WBP1L: variants seen among roughly 807,000 people sequenced by gnomAD.
The protein encoded by WBP1L is WW domain binding protein 1-like.
A neutral mutation model predicts 33.7 loss-of-function variants in WBP1L; 17 were observed. The ratio of observed to expected loss-of-function variants is 0.50; its 90% CI spans 0.34 to 0.76. The LOEUF is 0.76. Ranked by LOEUF, WBP1L falls within the 30% of genes least tolerant of loss-of-function variation. The pLI is 0.01. For missense variants in WBP1L, 389 were observed against 469.4 expected (o/e 0.83, Z 1.58); for synonymous variants, 173 against 190.8 (o/e 0.91, Z 0.77).
intron 1 of WBP1L, among the ~76,000 whole-genome samples, chr10:102,773,541 T>C (rs1843218443): frequency 6.6e-6 from 1 of 152,168 alleles, no homozygotes; most frequent in South Asian, 2.1e-4. Context: ...TTTTTGGATT[T>C]CTAGTAATTT....
intron 1 of WBP1L, among the ~76,000 whole-genome samples, chr10:102,750,133 C>G (rs111953016): frequency 2.6e-5 from 4 of 151,618 alleles, no homozygotes; most frequent in Admixed American, 1.3e-4. Context: ...TCAGGTCAGG[C>G]GCAGTGGTTC....
At chr10:102,792,547 G>A (rs1462924164) in intron 1 of WBP1L, among the ~76,000 whole-genome samples, 1 of 149,874 alleles carries the variant, frequency 6.7e-6, no homozygotes, top group Non-Finnish European at 1.5e-5. Flanking sequence ...CTCTGCCTGC[G>A]ATGTTCTTCC....
chr10:102,811,257 C>T (rs571272448), intron 3 of WBP1L, among the ~76,000 whole-genome samples: 2 of 152,096 alleles, frequency 1.3e-5, no homozygotes, highest in Admixed American at 1.3e-4. Flanking sequence ...GCCTGAATTC[C>T]TCCCATTTTG....
chr10:102,772,379 GTC>G (rs1843200914), intron 1 of WBP1L, among the ~76,000 whole-genome samples: 1 of 147,838 alleles, frequency 6.8e-6, no homozygotes, highest in Admixed American at 7.0e-5. Flanking sequence ...TCCTGCTTCA[GTC>G]TCTCAAGTAG....
intron 1 of WBP1L, among the ~76,000 whole-genome samples, chr10:102,752,026 G>C (rs1330318694): frequency 2.0e-5 from 3 of 152,252 alleles, no homozygotes; most frequent in Admixed American, 2.0e-4. Context: ...GAGATCTGGA[G>C]ATTTTGCAAG....
intron 1 of WBP1L, among the ~76,000 whole-genome samples, chr10:102,744,707 C>T (rs902113060): frequency 1.3e-5 from 2 of 152,240 alleles, no homozygotes; most frequent in African/African-American, 2.4e-5. Flanking sequence ...TCTCAGAAGG[C>T]AGGTGGGATG....
chr10:102,772,925 CTTTTTTTT>C (rs58706105), intron 1 of WBP1L, among the ~76,000 whole-genome samples: 1 of 138,948 alleles, frequency 7.2e-6, no homozygotes, highest in Non-Finnish European at 1.5e-5. Flanking sequence ...GTATGACTTC[CTTTTTTTT>C]TTTTTTTTTA....
At chr10:102,762,097 C>T (rs1004896490) in intron 1 of WBP1L, among the ~76,000 whole-genome samples, 18 of 152,162 alleles carry the variant, frequency 1.2e-4, no homozygotes, top group Non-Finnish European at 2.5e-4. Context: ...AAGCATTCTT[C>T]CCACCTCAGC....
At chr10:102,780,281 CT>C (rs1843319080) in intron 1 of WBP1L, among the ~76,000 whole-genome samples, 1 of 152,138 alleles carries the variant, frequency 6.6e-6, no homozygotes, top group Non-Finnish European at 1.5e-5. Context: ...ACCTGGTGAA[CT>C]TTTTGGGTAT....
At chr10:102,770,471 T>G (rs777464058) in intron 1 of WBP1L, among the ~76,000 whole-genome samples, 14 of 152,174 alleles carry the variant, frequency 9.2e-5, no homozygotes, top group Non-Finnish European at 1.2e-4. Flanking sequence ...GATCCCTTGA[T>G]TGTAAAATAA....
chr10:102,792,889 C>T (rs545762125), intron 1 of WBP1L, among the ~76,000 whole-genome samples: 21 of 152,078 alleles, frequency 1.4e-4, no homozygotes, highest in Non-Finnish European at 2.8e-4. Context: ...GCCACCGCGC[C>T]GCCTAGTTAC....
At chr10:102,779,650 A>C (rs1443210285) in intron 1 of WBP1L, among the ~76,000 whole-genome samples, 1 of 152,002 alleles carries the variant, frequency 6.6e-6, no homozygotes, top group Non-Finnish European at 1.5e-5. Context: ...CAGAATATGC[A>C]TTTCTGTGAA....
intron 1 of WBP1L, among the ~76,000 whole-genome samples, chr10:102,781,689 G>A (rs1843338812): frequency 6.6e-6 from 1 of 152,142 alleles, no homozygotes; most frequent in South Asian, 2.1e-4. Context: ...GAAACTAGCT[G>A]TATATAGCAG....
intron 3 of WBP1L, among the ~76,000 whole-genome samples, chr10:102,810,822 C>T (rs2134069313): frequency 6.6e-6 from 1 of 151,842 alleles, no homozygotes; most frequent in African/African-American, 2.4e-5. Context: ...TCGTCTCGGC[C>T]TCCCAAAGTG....
intron 1 of WBP1L, among the ~76,000 whole-genome samples, chr10:102,745,623 A>G (rs1402985216): frequency 6.6e-6 from 1 of 152,214 alleles, no homozygotes; most frequent in Non-Finnish European, 1.5e-5. Context: ...ACATCGTAGC[A>G]TGTACTAGTA....
chr10:102,800,017 T>C (rs1371402969), intron 2 of WBP1L, among the ~76,000 whole-genome samples: 11 of 152,158 alleles, frequency 7.2e-5, no homozygotes, highest in Admixed American at 6.5e-4. Context: ...AGGCTCAAGA[T>C]GTCCCCACCA....
chr10:102,755,434 C>G (rs1386459130), intron 1 of WBP1L, among the ~76,000 whole-genome samples: 1 of 151,882 alleles, frequency 6.6e-6, no homozygotes, highest in Admixed American at 6.6e-5. Context: ...CTCCATTGCC[C>G]AGGCTGGAGT....
At chr10:102,811,252 A>C (rs951338933) in intron 3 of WBP1L, among the ~76,000 whole-genome samples, 2 of 151,976 alleles carry the variant, frequency 1.3e-5, no homozygotes, top group Non-Finnish European at 1.5e-5. Context: ...CATTGGCCTG[A>C]ATTCCTCCCA....
intron 1 of WBP1L, among the ~76,000 whole-genome samples, chr10:102,767,295 G>T (rs982542339): frequency 6.6e-6 from 1 of 152,190 alleles, no homozygotes; most frequent in African/African-American, 2.4e-5. Flanking sequence ...TTTGGGGGGT[G>T]GGGAGGCAAG....
Sources: allele counts gnomAD v4.1 joint callset (sites outside exome capture counted in the v4.1 genomes callset), GRCh38; gene constraint gnomAD v4.1.1; transcripts MANE v1.5; gene names NCBI Gene and HGNC (gene_info 2026-07-23, HGNC 2026-07-21).